Variants in CCNYL1 observed in about 807,000 individuals in gnomAD.
CCNYL1 encodes cyclin-Y-like protein 1.
CCNYL1 carries 16 observed loss-of-function variants against 44.2 expected under a neutral mutation model. The ratio of observed to expected loss-of-function variants is 0.36; its 90% confidence interval spans 0.25 to 0.55. The LOEUF (loss-of-function observed/expected upper bound fraction) is 0.55. Among genes scored for constraint, CCNYL1 ranks in the 20% least tolerant of loss-of-function variants. The pLI, the probability that CCNYL1 is intolerant of heterozygous loss-of-function variation, is 0.85. For missense variants in CCNYL1, 348 were observed against 451.8 expected, an observed-to-expected ratio of 0.77 and a Z score of 2.08; for synonymous variants, 159 against 163.2, an observed-to-expected ratio of 0.97 and a Z score of 0.20.
intron 6 of CCNYL1, among the ~76,000 whole-genome samples, chr2:207,741,003 C>T (rs2091804963): frequency 1.3e-5 from 2 of 152,156 alleles, no homozygotes; most frequent in South Asian, 4.1e-4. Flanking sequence ...TGCCTGTAAT[C>T]TCAGCACTTT....
At chr2:207,716,210 C>T (rs1334613289) in intron 1 of CCNYL1, among the ~76,000 whole-genome samples, 1 of 152,136 alleles carries the variant, frequency 6.6e-6, no homozygotes, top group African/African-American at 2.4e-5. Context: ...GCTAAAGGCG[C>T]TCTCTGAAGT....
chr2:207,753,363 C>T (rs1197701605), intron 9 of CCNYL1, among the ~76,000 whole-genome samples: 1 of 152,126 alleles, frequency 6.6e-6, no homozygotes, highest in East Asian at 1.9e-4. Flanking sequence ...AATAAATTCC[C>T]CTTTGTTCTC....
chr2:207,713,218 T>G lies in CCNYL1; in HGVS notation c.220+1102T>G, dbSNP rs148148320. On this transcript the variant is annotated intron_variant, in intron 1 of 9. Coordinates refer to ENST00000295414, the MANE Select transcript of CCNYL1 (RefSeq NM_001330218.2). ...TCTCCGGTGACTTAACAGACTTCAA[T>G]ACCTCCTTGTTCTAAAAGAGAGGTG... is the stretch of plus-strand genomic sequence containing the variant. 7.6e-3 allele frequency among the ~76,000 whole-genome samples: 1,159 copies of G among 152,344 alleles called. 13 individuals are homozygous for G. Among genetic ancestry groups the G allele is most frequent in the Non-Finnish European group, 0.012 (792 of 68,022 alleles).
In CCNYL1 at chr2:207,753,813, C is replaced by G. The variant is rs966252175; in HGVS notation, c.*115C>G. 7 of 645,494 alleles carry G rather than the reference C, an allele frequency of 1.1e-5. No homozygotes were observed. In the African/African-American group the frequency reaches 1.1e-4, roughly 10 times the overall value. 40.0% of individuals were successfully genotyped at this position (645,494 alleles called of 1,614,324 possible). ...TAGTGTTTTCATCAAAAGGAAAGAT[C>G]TCAAATTCAAGAGACTCATGGACAA... On this transcript the variant is annotated 3_prime_UTR_variant, in exon 10 of 10. Transcript: ENST00000295414.
intron 2 of CCNYL1, among the ~76,000 whole-genome samples, chr2:207,725,973 A>G (rs1559166578): frequency 6.6e-6 from 1 of 152,194 alleles, no homozygotes; most frequent in Admixed American, 6.5e-5. Flanking sequence ...TGTAAGCAGC[A>G]TTTTCGAAGC....
chr2:207,755,213 T>TA lies in CCNYL1; in HGVS notation c.*1524dup, dbSNP rs201188485. The TA allele has an allele frequency of 9.0e-3, 1,359 of 150,826 alleles. 15 individuals carry two copies. The highest frequency in any genetic ancestry group is 0.028 in the African/African-American group (1,147 of 41,166). 9.3% of individuals were successfully genotyped at this position (150,826 alleles called of 1,614,324 possible). On this transcript the variant is annotated 3_prime_UTR_variant, in exon 10 of 10. Transcript: ENST00000295414. ...AGGCAACATAGTGAGACCCTGCCTG[T>TA]AAAAAAAAATAATAAAAATAGTTGG...
At chr2:207,715,168 T>C (rs1255434844) in intron 1 of CCNYL1, among the ~76,000 whole-genome samples, 1 of 151,986 alleles carries the variant, frequency 6.6e-6, no homozygotes, top group African/African-American at 2.4e-5. Flanking sequence ...CTCAGGAGGC[T>C]AAGGCAGGAG....
chr2:207,715,679 C>CTT (rs368268330), intron 1 of CCNYL1, among the ~76,000 whole-genome samples: 2 of 139,360 alleles, frequency 1.4e-5, no homozygotes, highest in African/African-American at 5.2e-5. Flanking sequence ...CGCGCCTGGC[C>CTT]TTTTTTTTTT....
intron 2 of CCNYL1, among the ~76,000 whole-genome samples, chr2:207,725,629 C>A (rs1485956360): frequency 6.6e-6 from 1 of 152,224 alleles, no homozygotes; most frequent in East Asian, 1.9e-4. Flanking sequence ...CTATCACATT[C>A]AAATTTATGC....
intron 7 of CCNYL1, among the ~76,000 whole-genome samples, chr2:207,742,914 A>T (rs142143617): frequency 5.1e-4 from 78 of 152,364 alleles, no homozygotes; most frequent in African/African-American, 1.7e-3. Context: ...TTACTAAGCT[A>T]TAGCTGTGTC....
At chr2:207,728,261 C>T (rs2091695905) in intron 3 of CCNYL1, among the ~76,000 whole-genome samples, 1 of 140,956 alleles carries the variant, frequency 7.1e-6, no homozygotes, top group African/African-American at 2.6e-5. Flanking sequence ...TGCACCTGGC[C>T]TTTTTTTTTT....
intron 2 of CCNYL1, among the ~76,000 whole-genome samples, chr2:207,725,700 C>A (rs927896738): frequency 7.2e-5 from 11 of 152,110 alleles, no homozygotes; most frequent in African/African-American, 2.7e-4. Flanking sequence ...ATAAACATGC[C>A]CCATGGTGTT....
At chr2:207,723,874 C>CAAAA (rs58432475) in intron 1 of CCNYL1, among the ~76,000 whole-genome samples, 7 of 53,318 alleles carry the variant, frequency 1.3e-4, no homozygotes, top group Admixed American at 2.0e-4. Flanking sequence ...GACTCCATCT[C>CAAAA]AAAAAAAAAA....
At chr2:207,750,825 A>T in intron 8 of CCNYL1, 132 bp from the exon 9 acceptor site, 1 of 714,064 alleles carries the variant, frequency 1.4e-6, no homozygotes, top group South Asian at 2.1e-5. Context: ...TTAGTATGTT[A>T]ATACAACTGG....
At chr2:207,745,408 C>A (rs147583907) in intron 7 of CCNYL1, among the ~76,000 whole-genome samples, 1 of 152,088 alleles carries the variant, frequency 6.6e-6, no homozygotes, top group Non-Finnish European at 1.5e-5. Flanking sequence ...CCAGCTTACC[C>A]GTAAAGGCAA....
rs1412999782 is a variant in CCNYL1 at position 207,729,249 on chromosome 2, CG to C, written c.330+2374del. 1.7e-3 allele frequency among the ~76,000 whole-genome samples: 158 copies of C among 94,122 alleles called. 7 individuals carry two copies. Among genetic ancestry groups the C allele is most frequent in the African/African-American group, 7.3e-3 (115 of 15,756 alleles). The allele number at this position is 94,122 out of a possible 152,430, so 61.7% of individuals were successfully genotyped here. A position where few individuals can be genotyped will look rare whatever the true frequency, so the allele number is the denominator to read the frequency against. ...TTCTGCATTGATCTTTACTTGTCTC[CG>C]CCCCCCCCCGCCCCCACCCCACCCC... On this transcript the variant is annotated intron_variant, in intron 3 of 9. Transcript: ENST00000295414.
chr2:207,724,575 T>C (rs891621582), intron 1 of CCNYL1, among the ~76,000 whole-genome samples: 2 of 152,230 alleles, frequency 1.3e-5, no homozygotes, highest in Non-Finnish European at 2.9e-5. Context: ...AGATTTTTTA[T>C]TAAAAGTCTC....
intron 5 of CCNYL1, 89 bp from the exon 6 acceptor site, chr2:207,740,566 A>C (rs1200837364): frequency 2.4e-6 from 2 of 824,394 alleles, no homozygotes; most frequent in Non-Finnish European, 2.1e-6. Flanking sequence ...AGCAAACAGG[A>C]GGCATCTCCC....
chr2:207,722,390 T>C (rs561786436), intron 1 of CCNYL1, among the ~76,000 whole-genome samples: 3 of 152,052 alleles, frequency 2.0e-5, no homozygotes, highest in East Asian at 3.9e-4. Flanking sequence ...ATATTTCTTA[T>C]ATTTACACAG....
Sources: allele counts gnomAD v4.1 joint callset (sites outside exome capture counted in the v4.1 genomes callset), GRCh38; gene constraint gnomAD v4.1.1; transcripts MANE v1.5; gene names NCBI Gene and HGNC (gene_info 2026-07-23, HGNC 2026-07-21).